The following SLIT3 variants were observed in gnomAD, a reference collection of about 807,000 sequenced individuals.
SLIT3 encodes slit homolog 3 protein.
SLIT3 carries 68 observed loss-of-function variants against 184.0 expected under a neutral mutation model. The ratio of observed to expected loss-of-function variants is 0.37; its 90% confidence interval spans 0.30 to 0.45. SLIT3 has a LOEUF of 0.45. Ranked by LOEUF, SLIT3 falls within the 20% of genes least tolerant of loss-of-function variation. The pLI, the probability that SLIT3 is intolerant of heterozygous loss-of-function variation, is 1.00. For missense variants in SLIT3, 1,707 were observed against 2,026.0 expected (o/e 0.84, Z 3.02); for synonymous variants, 831 against 828.6 (o/e 1.00, Z -0.05).
At chr5:169,062,045 G>A (rs187954026) in intron 4 of SLIT3, among the ~76,000 whole-genome samples, 4 of 152,158 alleles carry the variant, frequency 2.6e-5, no homozygotes, top group East Asian at 3.9e-4. Flanking sequence ...TTAGACGGGC[G>A]TGGTGGTGGG....
At chr5:168,781,869 T>G (rs534162175) in intron 12 of SLIT3, among the ~76,000 whole-genome samples, 1 of 152,276 alleles carries the variant, frequency 6.6e-6, no homozygotes, top group Admixed American at 6.5e-5. Flanking sequence ...TCATGCTAAG[T>G]GACAATGGTC....
chr5:169,133,513 G>A (rs1023086764), intron 4 of SLIT3, among the ~76,000 whole-genome samples: 1 of 152,226 alleles, frequency 6.6e-6, no homozygotes, highest in African/African-American at 2.4e-5. Context: ...TGAGCGACAT[G>A]CTGACGTATC....
At chr5:168,711,781 A>G (rs907031098) in intron 24 of SLIT3, among the ~76,000 whole-genome samples, 3 of 152,204 alleles carry the variant, frequency 2.0e-5, no homozygotes, top group Non-Finnish European at 4.4e-5. Context: ...CTGACCTGAT[A>G]GTCAAACTTT....
chr5:169,128,038 G>A (rs1761147287), intron 4 of SLIT3, among the ~76,000 whole-genome samples: 1 of 151,764 alleles, frequency 6.6e-6, no homozygotes, highest in Non-Finnish European at 1.5e-5. Flanking sequence ...GAATGATTAG[G>A]TGAACTAAAG....
intron 1 of SLIT3, among the ~76,000 whole-genome samples, chr5:169,295,682 G>A (rs935057671): frequency 6.6e-6 from 1 of 152,248 alleles, no homozygotes; most frequent in African/African-American, 2.4e-5. Flanking sequence ...GCCAAGGCAA[G>A]AGGTTCTACA....
chr5:168,886,442 G>A (rs1002493577), intron 4 of SLIT3, among the ~76,000 whole-genome samples: 3 of 152,044 alleles, frequency 2.0e-5, no homozygotes, highest in African/African-American at 7.2e-5. Context: ...TACTATCCTC[G>A]AGAGAGACAA....
At chr5:168,978,630 T>C (rs1245618057) in intron 4 of SLIT3, among the ~76,000 whole-genome samples, 1 of 152,092 alleles carries the variant, frequency 6.6e-6, no homozygotes, top group East Asian at 1.9e-4. Flanking sequence ...CAGAAAACCA[T>C]GTGATTAGAT....
chr5:169,075,861 T>G (rs564465971), intron 4 of SLIT3, among the ~76,000 whole-genome samples: 8 of 152,338 alleles, frequency 5.3e-5, no homozygotes, highest in Admixed American at 3.3e-4. Flanking sequence ...ATAGTTTGTC[T>G]GTCTGTCTAT....
intron 11 of SLIT3, among the ~76,000 whole-genome samples, chr5:168,786,899 T>C (rs1561932525): frequency 6.6e-6 from 1 of 151,766 alleles, no homozygotes; most frequent in Non-Finnish European, 1.5e-5. Flanking sequence ...CGTAGGAGAG[T>C]TTGGTTGTTT....
intron 14 of SLIT3, 26 bp downstream of exon 14, chr5:168,772,755 G>T (rs200618561): frequency 1.2e-6 from 2 of 1,613,356 alleles, no homozygotes; most frequent in East Asian, 2.2e-5. Flanking sequence ...GTCAGAAAGC[G>T]GGGCCCAGCC....
intron 32 of SLIT3, 93 bp from the exon 33 acceptor site, chr5:168,673,424 A>AT (rs1561867588): frequency 3.4e-6 from 4 of 1,174,426 alleles, no homozygotes; most frequent in Admixed American, 2.5e-5. Context: ...CATTGCTTAC[A>AT]TTTTGTTTTA....
intron 4 of SLIT3, among the ~76,000 whole-genome samples, chr5:169,036,717 G>A (rs1477224307): frequency 6.6e-6 from 1 of 152,136 alleles, no homozygotes; most frequent in Non-Finnish European, 1.5e-5. Flanking sequence ...TTATGTAAAT[G>A]AGAATTGACA....
intron 4 of SLIT3, among the ~76,000 whole-genome samples, chr5:169,126,706 G>A (rs1229116865): frequency 6.6e-6 from 1 of 152,232 alleles, no homozygotes; most frequent in Non-Finnish European, 1.5e-5. Flanking sequence ...GGAGATGCCC[G>A]AGTCTGCCAA....
chr5:169,241,439 G>A (rs1219548918), intron 3 of SLIT3, among the ~76,000 whole-genome samples: 1 of 152,066 alleles, frequency 6.6e-6, no homozygotes, highest in African/African-American at 2.4e-5. Context: ...ATAATTCTTT[G>A]TTGTAGGGCC....
chr5:169,265,178 A>AACAAACAAACAC (rs1766350998), intron 1 of SLIT3, among the ~76,000 whole-genome samples: 1 of 152,002 alleles, frequency 6.6e-6, no homozygotes, highest in East Asian at 1.9e-4. Flanking sequence ...CAAACAAACA[A>AACAAACAAACAC]ACAAAACGTA....
At chr5:169,294,847 A>T (rs1767454865) in intron 1 of SLIT3, among the ~76,000 whole-genome samples, 1 of 152,150 alleles carries the variant, frequency 6.6e-6, no homozygotes, top group Admixed American at 6.5e-5. Flanking sequence ...ATGTTCCTCT[A>T]CAGAATACCG....
At chr5:168,756,379 C>T (rs1282890958) in intron 16 of SLIT3, among the ~76,000 whole-genome samples, 1 of 152,342 alleles carries the variant, frequency 6.6e-6, no homozygotes, top group African/African-American at 2.4e-5. Flanking sequence ...GGGACCAGGC[C>T]CCCAGGGTGA....
chr5:169,250,987 C>T (rs549309100), intron 2 of SLIT3, among the ~76,000 whole-genome samples: 2 of 152,342 alleles, frequency 1.3e-5, no homozygotes, highest in African/African-American at 4.8e-5. Flanking sequence ...CTCCCCTCCT[C>T]TCCATTAAGC....
At chr5:168,797,565 G>T (rs1471584155) in intron 9 of SLIT3, among the ~76,000 whole-genome samples, 2 of 152,206 alleles carry the variant, frequency 1.3e-5, no homozygotes, top group African/African-American at 4.8e-5. Flanking sequence ...ATGGGTGCAA[G>T]AATTGAGGGA....
Sources: allele counts gnomAD v4.1 joint callset (sites outside exome capture counted in the v4.1 genomes callset), GRCh38; gene constraint gnomAD v4.1.1; transcripts MANE v1.5; gene names NCBI Gene and HGNC (gene_info 2026-07-23, HGNC 2026-07-21).